PPP4R4: variants seen among roughly 807,000 people sequenced by gnomAD.
PPP4R4 encodes the protein serine/threonine-protein phosphatase 4 regulatory subunit 4.
In PPP4R4, 70 loss-of-function variants were observed where a neutral mutation model predicts 121.8. The ratio of observed to expected loss-of-function variants is 0.57; its 90% CI spans 0.47 to 0.70. PPP4R4 has a LOEUF of 0.70. PPP4R4 is among the 30% of genes least tolerant of loss of function. PPP4R4 has a pLI of 0.00. For missense variants in PPP4R4, 875 were observed against 1,033.6 expected (o/e 0.85, Z 2.10); for synonymous variants, 348 against 355.7 (o/e 0.98, Z 0.24).
intron 14 of PPP4R4, among the ~76,000 whole-genome samples, chr14:94,248,834 T>C (rs997639983): frequency 6.6e-6 from 1 of 152,200 alleles, no homozygotes; most frequent in Admixed American, 6.5e-5. Context: ...GGATGAATTC[T>C]TAATTTTTTC....
intron 3 of PPP4R4, among the ~76,000 whole-genome samples, chr14:94,222,780 A>G (rs957894446): frequency 1.3e-5 from 2 of 151,760 alleles, no homozygotes; most frequent in African/African-American, 4.8e-5. Context: ...TCTGTGGCTT[A>G]TTTTCTTTGG....
rs117369155 is a variant in PPP4R4 at position 94,238,218 on chromosome 14, G to A, written c.853+532G>A. Among the ~76,000 whole-genome samples the A allele has an allele frequency of 8.5e-5, 13 of 152,318 alleles. No homozygotes were observed. The East Asian group carries it at 2.3e-3, about 27-fold the overall frequency. Reference sequence around the variant, plus strand: ...GTGGAGCCAGTGGGTGGACCCATGCGGCCCCACCTCTTAAAGATTTCACCT... The same window carrying A: ...GTGGAGCCAGTGGGTGGACCCATGCAGCCCCACCTCTTAAAGATTTCACCT... On this transcript the variant is annotated intron_variant, in intron 8 of 24. Coordinates refer to ENST00000304338, the MANE Select transcript of PPP4R4 (RefSeq NM_058237.2).
At chr14:94,175,204 C>G (rs1342249933) in intron 1 of PPP4R4, among the ~76,000 whole-genome samples, 1 of 151,246 alleles carries the variant, frequency 6.6e-6, no homozygotes, top group East Asian at 2.0e-4. Context: ...CTTCTGCCCT[C>G]GAGGTAGCCC....
intron 19 of PPP4R4, among the ~76,000 whole-genome samples, chr14:94,260,338 A>G (rs991746629): frequency 6.6e-6 from 1 of 152,092 alleles, no homozygotes; most frequent in African/African-American, 2.4e-5. Context: ...AGGCAAGAGA[A>G]TGGCGTGAAC....
rs747738440 is a variant in PPP4R4 at position 94,227,325 on chromosome 14, A to G, written c.295-3262A>G. 22 of 1,612,568 alleles carry G rather than the reference A, an allele frequency of 1.4e-5. No homozygotes were observed. In the South Asian group the frequency reaches 2.0e-4, roughly 14 times the overall value. ...ACACTTATTTATCCAGAGAGTATGG[A>G]TCTCACATATGTTTGTCCAGAGGGT... On this transcript the variant is annotated intron_variant, in intron 3 of 24. Transcript: ENST00000304338.
intron 2 of PPP4R4, among the ~76,000 whole-genome samples, chr14:94,186,571 A>G (rs1436124612): frequency 6.6e-6 from 1 of 152,218 alleles, no homozygotes; most frequent in Non-Finnish European, 1.5e-5. Context: ...ACATTCATTT[A>G]TAAATCTTTA....
At chr14:94,240,627 T>C in intron 8 of PPP4R4, 46 bp from the exon 9 acceptor site, 1 of 1,569,362 alleles carries the variant, frequency 6.4e-7, no homozygotes, top group African/African-American at 1.4e-5. Flanking sequence ...ATGTGCAATG[T>C]GGACGACTGA....
intron 19 of PPP4R4, among the ~76,000 whole-genome samples, chr14:94,263,716 T>A (rs1194840467): frequency 2.0e-5 from 3 of 152,196 alleles, no homozygotes; most frequent in Non-Finnish European, 4.4e-5. Context: ...GTGATTAATA[T>A]GATCAAGATA....
intron 16 of PPP4R4, among the ~76,000 whole-genome samples, chr14:94,252,976 A>G (rs1359149422): frequency 2.0e-5 from 3 of 152,260 alleles, no homozygotes. Context: ...GTCAAAAGAT[A>G]CCGAAAAGTT....
At position 94,278,755 on chromosome 14, in the gene PPP4R4, TTTG is replaced by T; in HGVS notation, c.*121_*123del. On this transcript the variant is annotated 3_prime_UTR_variant, in exon 25 of 25. Coordinates refer to ENST00000304338, the MANE Select transcript of PPP4R4 (RefSeq NM_058237.2). Reference sequence around the variant, plus strand: ...TGTTTTTAAATTTTGGGTTTTTTTTTTTGTTGTTGTTAATGAGCAGAAAGAGAG... The same window carrying T: ...TGTTTTTAAATTTTGGGTTTTTTTTTTTGTTGTTAATGAGCAGAAAGAGAG... 2.7e-6 allele frequency: 3 copies of T among 1,112,862 alleles called. No homozygotes were observed. The highest frequency in any genetic ancestry group is 3.6e-6 in the Non-Finnish European group (3 of 822,960). The allele number at this position is 1,112,862 out of a possible 1,614,324, so 68.9% of individuals were successfully genotyped here.
chr14:94,257,733 G>A (rs1229451545), intron 17 of PPP4R4, among the ~76,000 whole-genome samples: 4 of 151,484 alleles, frequency 2.6e-5, no homozygotes, highest in African/African-American at 7.3e-5. Flanking sequence ...TAGAAGTTTA[G>A]GCAATGGAGT....
chr14:94,278,283 C>T (rs1239450527), intron 24 of PPP4R4, among the ~76,000 whole-genome samples: 1 of 151,958 alleles, frequency 6.6e-6, no homozygotes, highest in African/African-American at 2.4e-5. Flanking sequence ...TCTTTTAAGG[C>T]AGTTCATATA....
At chr14:94,193,752 G>A (rs1196940647) in intron 2 of PPP4R4, among the ~76,000 whole-genome samples, 1 of 152,174 alleles carries the variant, frequency 6.6e-6, no homozygotes, top group Non-Finnish European at 1.5e-5. Context: ...TGGCCAATAA[G>A]TGAGATCACA....
chr14:94,219,075 C>CTTTTTTT (rs1891239363), intron 3 of PPP4R4, among the ~76,000 whole-genome samples: 1 of 112,912 alleles, frequency 8.9e-6, no homozygotes. Flanking sequence ...TTTTTCTTTT[C>CTTTTTTT]TTTTCTTTTT....
chr14:94,259,796 C>A (rs1893677077), intron 19 of PPP4R4, among the ~76,000 whole-genome samples: 1 of 152,168 alleles, frequency 6.6e-6, no homozygotes, highest in Non-Finnish European at 1.5e-5. Context: ...TAAATGGAAT[C>A]ATATATTAGG....
intron 3 of PPP4R4, among the ~76,000 whole-genome samples, chr14:94,218,991 A>T (rs1891230796): frequency 6.6e-6 from 1 of 152,058 alleles, no homozygotes. Flanking sequence ...GTAGCTTTTT[A>T]GATAAACAGA....
chr14:94,218,403 C>T (rs1180746064), intron 3 of PPP4R4, among the ~76,000 whole-genome samples: 4 of 120,208 alleles, frequency 3.3e-5, no homozygotes, highest in Admixed American at 1.7e-4. Flanking sequence ...ACACACACAC[C>T]TCCTCACCCC....
At chr14:94,194,457 A>T (rs916612596) in intron 2 of PPP4R4, among the ~76,000 whole-genome samples, 1 of 152,204 alleles carries the variant, frequency 6.6e-6, no homozygotes, top group African/African-American at 2.4e-5. Flanking sequence ...AAATCTGGGA[A>T]GCTGGGAAGC....
At chr14:94,199,086 T>C (rs1418822211) in intron 2 of PPP4R4, among the ~76,000 whole-genome samples, 1 of 152,252 alleles carries the variant, frequency 6.6e-6, no homozygotes, top group African/African-American at 2.4e-5. Context: ...TAGAAGGGGA[T>C]CATATTGAAT....
Sources: allele counts gnomAD v4.1 joint callset (sites outside exome capture counted in the v4.1 genomes callset), GRCh38; gene constraint gnomAD v4.1.1; transcripts MANE v1.5; gene names NCBI Gene and HGNC (gene_info 2026-07-23, HGNC 2026-07-21).